CACNA2D2: variants seen among roughly 807,000 people sequenced by gnomAD.
The protein encoded by CACNA2D2 is voltage-dependent calcium channel subunit alpha-2/delta-2.
A neutral mutation model predicts 166.4 loss-of-function variants in CACNA2D2; 48 were observed. The observed-to-expected ratio is 0.29, with a 90% CI of 0.23 to 0.37. The LOEUF is 0.37. Among genes scored for constraint, CACNA2D2 ranks in the 10% least tolerant of loss-of-function variants. CACNA2D2 has a pLI of 1.00. For synonymous variants in CACNA2D2, 561 were observed against 573.7 expected, an observed-to-expected ratio of 0.98 and a Z score of 0.32; for missense variants, 1,122 against 1,433.0, an observed-to-expected ratio of 0.78 and a Z score of 3.50.
At chr3:50,457,007 T>C (rs533675773) in intron 2 of CACNA2D2, among the ~76,000 whole-genome samples, 27 of 152,288 alleles carry the variant, frequency 1.8e-4, no homozygotes, top group South Asian at 6.2e-4. Context: ...CCCAGCACTT[T>C]GGGAGGCTGA....
At chr3:50,414,269 G>A (rs1447753747) in intron 3 of CACNA2D2, among the ~76,000 whole-genome samples, 2 of 152,000 alleles carry the variant, frequency 1.3e-5, no homozygotes, top group African/African-American at 4.8e-5. Flanking sequence ...TACCCGCACC[G>A]TGCAAGCGTG....
Position 50,485,989 on chromosome 3 carries a change from G to A in CACNA2D2, c.207-9790C>T, listed in dbSNP as rs76677010. Among the ~76,000 whole-genome samples, 966 of 152,218 alleles carry A rather than the reference G, an allele frequency of 6.3e-3. 5 individuals carry two copies. The highest frequency in any genetic ancestry group is 0.022 in the African/African-American group (902 of 41,516). On this transcript the variant is annotated intron_variant, in intron 1 of 37. Coordinates refer to ENST00000424201, the MANE Select transcript of CACNA2D2 (RefSeq NM_006030.4). The stretch of plus-strand genomic sequence containing the variant: ...CACCCCGGCCACTGACACAGACTAT[G>A]GGCATTTTGGGGTCTGCGACACCTC...
chr3:50,502,949 TC>T (rs1290263612), intron 1 of CACNA2D2, among the ~76,000 whole-genome samples: 1 of 151,452 alleles, frequency 6.6e-6, no homozygotes, highest in Non-Finnish European at 1.5e-5. Flanking sequence ...CCCCCCCAAC[TC>T]CTCCCGGGGC....
intron 2 of CACNA2D2, among the ~76,000 whole-genome samples, chr3:50,455,244 G>C (rs1056343601): frequency 6.6e-6 from 1 of 152,220 alleles, no homozygotes; most frequent in Non-Finnish European, 1.5e-5. Context: ...AAGCACCGGA[G>C]GCATTTGGTG....
chr3:50,392,311 A>G (rs1705926676), intron 4 of CACNA2D2, among the ~76,000 whole-genome samples: 1 of 152,194 alleles, frequency 6.6e-6, no homozygotes, highest in Non-Finnish European at 1.5e-5. Context: ...ATACACCATT[A>G]GCATTGATGC....
intron 2 of CACNA2D2, among the ~76,000 whole-genome samples, chr3:50,457,580 C>T (rs1380827827): frequency 6.6e-6 from 1 of 152,176 alleles, no homozygotes; most frequent in African/African-American, 2.4e-5. Flanking sequence ...CCAGCTGTGT[C>T]TCCAGGTCCA....
Position 50,375,529 on chromosome 3 carries a change from T to C in CACNA2D2, c.1907+115A>G. ...TCTCAGGGTGAGTAGTGAGCAGCCC[T>C]GGCCACTGGTGCCCCACTGGGATGG... On this transcript the variant is annotated intron_variant, in intron 21 of 37. Coordinates refer to ENST00000424201, the MANE Select transcript of CACNA2D2 (RefSeq NM_006030.4). The surrounding 1 kb of genome is among the most constrained non-coding windows in gnomAD (Gnocchi z 4.0). The C allele has an allele frequency of 9.1e-7, 1 of 1,098,596 alleles. No individual in the cohort carries two copies. Among genetic ancestry groups the C allele is most frequent in the Admixed American group, 1.8e-5 (1 of 54,594 alleles). The allele number at this position is 1,098,596 out of a possible 1,614,324, so 68.1% of individuals were successfully genotyped here. A position where few individuals can be genotyped will look rare whatever the true frequency, so the allele number is the denominator to read the frequency against.
intron 3 of CACNA2D2, among the ~76,000 whole-genome samples, chr3:50,416,947 C>T (rs997177675): frequency 2.0e-5 from 3 of 152,212 alleles, no homozygotes; most frequent in African/African-American, 7.2e-5. Context: ...GTATCCCATT[C>T]ACGTGTGTGT....
chr3:50,370,219 AC>A, intron 23 of CACNA2D2, 100 bp downstream of exon 23: 1 of 816,632 alleles, frequency 1.2e-6, no homozygotes, highest in Non-Finnish European at 2.1e-6. Context: ...ATGACACTGC[AC>A]AGGACACAGA....
chr3:50,436,087 G>T (rs1284283881), intron 2 of CACNA2D2, among the ~76,000 whole-genome samples: 7 of 152,210 alleles, frequency 4.6e-5, no homozygotes, highest in Admixed American at 4.6e-4. Flanking sequence ...CTGAGGCACA[G>T]AAACAGGAGA....
rs1490980623 is a variant in CACNA2D2, at chr3:50,380,506, CCCTT to C, written c.842+238_842+241del. On this transcript the variant is annotated intron_variant, in intron 8 of 37. Coordinates refer to ENST00000424201, the MANE Select transcript of CACNA2D2 (RefSeq NM_006030.4). This position sits in a 1 kb window ranked among gnomAD's most constrained non-coding sequence, Gnocchi z 4.9. ...TTGGGGACCCCTTCTGGTCCAATCT[CCCTT>C]CCAATCTCTCAGTCCTGAGTGGGTG... Among the ~76,000 whole-genome samples, 3 of 152,194 alleles carry C rather than the reference CCCTT, an allele frequency of 2.0e-5. No homozygotes were observed. The highest frequency in any genetic ancestry group is 2.9e-5 in the Non-Finnish European group (2 of 68,028).
At chr3:50,472,912 A>G (rs1710157912) in intron 2 of CACNA2D2, among the ~76,000 whole-genome samples, 1 of 152,212 alleles carries the variant, frequency 6.6e-6, no homozygotes, top group African/African-American at 2.4e-5. Context: ...AGGGTAGAAA[A>G]GAGGCTCCAG....
intron 1 of CACNA2D2, among the ~76,000 whole-genome samples, chr3:50,483,249 C>T (rs972497570): frequency 6.6e-6 from 1 of 152,178 alleles, no homozygotes; most frequent in Non-Finnish European, 1.5e-5. Flanking sequence ...GCACCGTCCC[C>T]ATCTCACCCA....
chr3:50,424,090 A>C (rs1452981435), intron 3 of CACNA2D2, among the ~76,000 whole-genome samples: 1 of 152,222 alleles, frequency 6.6e-6, no homozygotes, highest in African/African-American at 2.4e-5. Flanking sequence ...AGGGAAACTG[A>C]GGCTCACAGA....
chr3:50,497,190 G>A (rs1236974594), intron 1 of CACNA2D2, among the ~76,000 whole-genome samples: 1 of 152,186 alleles, frequency 6.6e-6, no homozygotes, highest in Non-Finnish European at 1.5e-5. Flanking sequence ...GCAGGGCGTG[G>A]AGAGGAGCAG....
chr3:50,394,236 C>T, intron 3 of CACNA2D2, 68 bp from the exon 4 acceptor site: 1 of 1,307,700 alleles, frequency 7.6e-7, no homozygotes, highest in South Asian at 1.2e-5. Context: ...ACCCCAAAGC[C>T]TCTCCATCCC....
intron 1 of CACNA2D2, among the ~76,000 whole-genome samples, chr3:50,476,731 TC>T (rs1050437285): frequency 5.9e-5 from 9 of 152,114 alleles, no homozygotes; most frequent in Non-Finnish European, 1.2e-4. Flanking sequence ...CGTGGAGAGT[TC>T]CAGATTAGGC....
chr3:50,464,477 A>C (rs1709737012), intron 2 of CACNA2D2, among the ~76,000 whole-genome samples: 1 of 152,076 alleles, frequency 6.6e-6, no homozygotes, highest in African/African-American at 2.4e-5. Context: ...GCAAAGCCTC[A>C]ATCTGGTGGC....
In CACNA2D2 at chr3:50,503,202, G is replaced by T; in HGVS notation, c.206+16C>A. Reference sequence around the variant, plus strand: ...AAGGCTCGGCCGGGGTCTCGCGGCCGGCCGAGGCCACTTACGTGTGCTGCT... The same window carrying T: ...AAGGCTCGGCCGGGGTCTCGCGGCCTGCCGAGGCCACTTACGTGTGCTGCT... On this transcript the variant is annotated intron_variant, in intron 1 of 37. Transcript: ENST00000424201. The T allele has an allele frequency of 8.4e-7, 1 of 1,184,532 alleles. No homozygotes were observed. The allele number at this position is 1,184,532 out of a possible 1,614,324, so 73.4% of individuals were successfully genotyped here.
Sources: allele counts gnomAD v4.1 joint callset (sites outside exome capture counted in the v4.1 genomes callset), GRCh38; gene constraint gnomAD v4.1.1; non-coding constraint Gnocchi (gnomAD v3.1); transcripts MANE v1.5; gene names NCBI Gene and HGNC (gene_info 2026-07-23, HGNC 2026-07-21).